PPM1B: variants seen among roughly 807,000 people sequenced by gnomAD.
PPM1B encodes protein phosphatase, Mg2+/Mn2+ dependent 1B, also known as protein phosphatase 1B.
Under a neutral mutation model 43.0 loss-of-function variants are expected in PPM1B, and 22 were observed. The observed-to-expected ratio is 0.51, with a 90% confidence interval of 0.37 to 0.73. The LOEUF (loss-of-function observed/expected upper bound fraction) is 0.73, where lower values mean the gene tolerates loss of function less well. Among genes scored for constraint, PPM1B ranks in the 30% least tolerant of loss-of-function variants. The pLI, the probability that PPM1B is intolerant of heterozygous loss-of-function variation, is 0.00. For missense variants in PPM1B, 632 were observed against 584.2 expected, an observed-to-expected ratio of 1.08 and a Z score of -0.84; for synonymous variants, 217 against 197.9, an observed-to-expected ratio of 1.10 and a Z score of -0.81.
chr2:44,193,858 C>T (rs897725586), intron 1 of PPM1B, among the ~76,000 whole-genome samples: 2 of 152,030 alleles, frequency 1.3e-5, no homozygotes, highest in Non-Finnish European at 2.9e-5. Flanking sequence ...GGATTACAGG[C>T]GTGAGCCACT....
chr2:44,178,474 A>ATATATATATT (rs1445760590), intron 1 of PPM1B, among the ~76,000 whole-genome samples: 27 of 135,316 alleles, frequency 2.0e-4, no homozygotes, highest in Non-Finnish European at 3.0e-4. Context: ...ATATATATAT[A>ATATATATATT]TTTTTTTTTT....
At chr2:44,197,469 A>C (rs891471013) in intron 1 of PPM1B, among the ~76,000 whole-genome samples, 2 of 152,210 alleles carry the variant, frequency 1.3e-5, no homozygotes, top group African/African-American at 4.8e-5. Flanking sequence ...AAAAACTAAA[A>C]AAAACTAACA....
intron 5 of PPM1B, among the ~76,000 whole-genome samples, chr2:44,219,891 C>T (rs958993285): frequency 4.7e-5 from 7 of 150,414 alleles, no homozygotes; most frequent in Non-Finnish European, 1.0e-4. Context: ...TGTGGTGAGC[C>T]GAGATCATGC....
chr2:44,222,760 C>G (rs910432573), intron 5 of PPM1B, among the ~76,000 whole-genome samples: 1 of 152,136 alleles, frequency 6.6e-6, no homozygotes, highest in South Asian at 2.1e-4. Flanking sequence ...GTCTGTACCC[C>G]ACCTGTGTCT....
chr2:44,221,362 C>T lies in PPM1B; in HGVS notation c.1134+2825C>T, dbSNP rs141475119. 4.0e-4 allele frequency among the ~76,000 whole-genome samples: 61 copies of T among 152,080 alleles called. No homozygotes were observed. The East Asian group carries it at 8.3e-3, about 21-fold the overall frequency. Reference sequence around the variant, plus strand: ...GTAGCAGAAATGTGCTGAAAAATACCGCAGAAGGAGAGAGAATGAAGAAAA... The same window carrying T: ...GTAGCAGAAATGTGCTGAAAAATACTGCAGAAGGAGAGAGAATGAAGAAAA... On this transcript the variant is annotated intron_variant, in intron 5 of 5. Transcript: ENST00000282412.
chr2:44,235,844 A>C (rs1213064013), downstream of PPM1B, among the ~76,000 whole-genome samples: 2 of 152,102 alleles, frequency 1.3e-5, no homozygotes, highest in Non-Finnish European at 2.9e-5. Flanking sequence ...GGCTGCAGTG[A>C]GCTATGATCC....
At chr2:44,188,739 TTTCC>T (rs557248948) in intron 1 of PPM1B, among the ~76,000 whole-genome samples, 1,533 of 148,452 alleles carry the variant, frequency 0.01, 17 homozygotes, top group Admixed American at 0.029. Flanking sequence ...TCCTTCCTTC[TTTCC>T]TTCCTTCCTT....
downstream of PPM1B, among the ~76,000 whole-genome samples, chr2:44,235,960 G>T (rs189802125): frequency 2.0e-5 from 3 of 151,852 alleles, no homozygotes; most frequent in Non-Finnish European, 4.4e-5. Flanking sequence ...ACATTGTGAA[G>T]GAATAAACAA....
chr2:44,212,619 G>A (rs543070816), intron 3 of PPM1B, among the ~76,000 whole-genome samples: 51 of 152,202 alleles, frequency 3.4e-4, no homozygotes, highest in Admixed American at 2.9e-3. Flanking sequence ...CGTCTTTCGT[G>A]TTTCATCTAT....
chr2:44,183,839 C>T (rs999706666), intron 1 of PPM1B, among the ~76,000 whole-genome samples: 1 of 152,068 alleles, frequency 6.6e-6, no homozygotes, highest in Non-Finnish European at 1.5e-5. Flanking sequence ...TCCGGGTTCA[C>T]ACCATTCTCC....
intron 1 of PPM1B, among the ~76,000 whole-genome samples, chr2:44,188,856 A>G (rs935572837): frequency 1.6e-4 from 17 of 107,522 alleles, no homozygotes; most frequent in Non-Finnish European, 2.5e-4. Context: ...TCTTTCTTTT[A>G]CTGGGATCAC....
intron 1 of PPM1B, among the ~76,000 whole-genome samples, chr2:44,173,772 G>A (rs752704457): frequency 9.9e-5 from 15 of 152,070 alleles, no homozygotes; most frequent in Admixed American, 2.6e-4. Context: ...ATGAAACCCT[G>A]TCTTTACCAA....
intron 5 of PPM1B, among the ~76,000 whole-genome samples, chr2:44,241,715 G>C (rs1199607442): frequency 6.6e-6 from 1 of 151,670 alleles, no homozygotes; most frequent in East Asian, 1.9e-4. Context: ...TTGGATGACA[G>C]AGCAAGACCC....
intron 2 of PPM1B, 70 bp downstream of exon 2, chr2:44,202,115 A>C (rs1016622900): frequency 6.8e-5 from 94 of 1,380,174 alleles, no homozygotes; most frequent in Non-Finnish European, 8.8e-5. Context: ...AAGTTAAGCT[A>C]ACTTAAAATT....
chr2:44,212,505 G>A (rs1669518101), intron 3 of PPM1B, among the ~76,000 whole-genome samples: 2 of 152,172 alleles, frequency 1.3e-5, no homozygotes, highest in African/African-American at 4.8e-5. Context: ...GCTTAGCTAA[G>A]CAAATCCAAT....
intron 1 of PPM1B, among the ~76,000 whole-genome samples, chr2:44,172,617 T>G (rs937900156): frequency 6.6e-6 from 1 of 152,228 alleles, no homozygotes; most frequent in Admixed American, 6.5e-5. Context: ...AAAGCCATTT[T>G]AGAATCTTTA....
At chr2:44,229,612 T>G (rs1299202580) in intron 5 of PPM1B, among the ~76,000 whole-genome samples, 1 of 152,236 alleles carries the variant, frequency 6.6e-6, no homozygotes, top group Non-Finnish European at 1.5e-5. Flanking sequence ...TTAGATTCAT[T>G]CTAAACATTT....
chr2:44,180,227 C>T (rs1385945200), intron 1 of PPM1B, among the ~76,000 whole-genome samples: 11 of 152,060 alleles, frequency 7.2e-5, no homozygotes, highest in Admixed American at 7.2e-4. Flanking sequence ...TAATCTTGAT[C>T]TTTCTTTCCT....
At chr2:44,229,642 A>C (rs998149431) in intron 5 of PPM1B, among the ~76,000 whole-genome samples, 2 of 152,224 alleles carry the variant, frequency 1.3e-5, no homozygotes, top group Non-Finnish European at 2.9e-5. Flanking sequence ...AATACAGGAC[A>C]TGACTGTACT....
Sources: allele counts gnomAD v4.1 joint callset (sites outside exome capture counted in the v4.1 genomes callset), GRCh38; gene constraint gnomAD v4.1.1; transcripts MANE v1.5; gene names NCBI Gene and HGNC (gene_info 2026-07-23, HGNC 2026-07-21).